PRKCB: variants seen among roughly 807,000 people sequenced by gnomAD.
PRKCB encodes the protein protein kinase C beta type.
PRKCB carries 13 observed loss-of-function variants against 81.5 expected under a neutral mutation model. The ratio of observed to expected loss-of-function variants is 0.16; its 90% confidence interval spans 0.10 to 0.25. The LOEUF is 0.25. Among genes scored for constraint, PRKCB ranks in the 10% least tolerant of loss-of-function variants. The pLI is 1.00. For missense variants in PRKCB, 509 were observed against 875.7 expected, an observed-to-expected ratio of 0.58 and a Z score of 5.29; for synonymous variants, 335 against 321.4, an observed-to-expected ratio of 1.04 and a Z score of -0.45.
chr16:24,169,048 C>G (rs979354986), intron 10 of PRKCB, among the ~76,000 whole-genome samples: 3 of 152,002 alleles, frequency 2.0e-5, no homozygotes, highest in Non-Finnish European at 4.4e-5. Context: ...ATTCCAGCCC[C>G]TCAGTCAGTC....
Position 23,892,844 on chromosome 16 carries a change from C to T in PRKCB, c.205+55438C>T, listed in dbSNP as rs531402059. ...AAAGTTAGCTTCAGAACTAGAATAT[C>T]TGCCTTCTGATCTCAGCCTATCACC... On this transcript the variant is annotated intron_variant, in intron 2 of 16. Transcript: ENST00000643927. The T allele has an allele frequency of 3.9e-5, 6 of 152,236 alleles. No individual in the cohort carries two copies. The South Asian group carries it at 1.2e-3, about 32-fold the overall frequency. 9.4% of individuals were successfully genotyped at this position (152,236 alleles called of 1,614,324 possible).
intron 2 of PRKCB, among the ~76,000 whole-genome samples, chr16:23,936,945 G>T (rs1964069251): frequency 6.6e-6 from 1 of 152,158 alleles, no homozygotes; most frequent in Non-Finnish European, 1.5e-5. Context: ...TTAGCGACGG[G>T]AAATTTCACG....
At chr16:23,883,520 A>T (rs1963154834) in intron 2 of PRKCB, among the ~76,000 whole-genome samples, 1 of 152,202 alleles carries the variant, frequency 6.6e-6, no homozygotes, top group Non-Finnish European at 1.5e-5. Flanking sequence ...GCAAAGGATC[A>T]GATTTGTATT....
chr16:23,998,365 AT>A (rs1249152697), intron 3 of PRKCB, among the ~76,000 whole-genome samples: 8 of 151,514 alleles, frequency 5.3e-5, no homozygotes, highest in Non-Finnish European at 8.8e-5. Context: ...CACGTTATTG[AT>A]TTTTTTTTGG....
chr16:24,094,362 G>A, intron 7 of PRKCB, 65 bp downstream of exon 7: 1 of 1,563,710 alleles, frequency 6.4e-7, no homozygotes, highest in South Asian at 1.2e-5. Flanking sequence ...GGTCAAGTAT[G>A]TTTTCCTTTT....
chr16:23,908,637 T>C (rs562224750), intron 2 of PRKCB, among the ~76,000 whole-genome samples: 14 of 152,196 alleles, frequency 9.2e-5, no homozygotes, highest in Non-Finnish European at 2.1e-4. Flanking sequence ...GTTCATGCCA[T>C]TCTCCAGCCT....
chr16:23,955,043 G>A (rs1177654184), intron 2 of PRKCB, among the ~76,000 whole-genome samples: 1 of 152,148 alleles, frequency 6.6e-6, no homozygotes, highest in African/African-American at 2.4e-5. Context: ...GGAGCTTAAT[G>A]TATTAAAAGG....
At chr16:23,971,997 T>G (rs1486540734) in intron 2 of PRKCB, among the ~76,000 whole-genome samples, 1 of 152,144 alleles carries the variant, frequency 6.6e-6, no homozygotes, top group Non-Finnish European at 1.5e-5. Flanking sequence ...CATAGCAGCT[T>G]TATTCATAAT....
chr16:23,840,169 G>A (rs1034025949), intron 2 of PRKCB, among the ~76,000 whole-genome samples: 1 of 152,204 alleles, frequency 6.6e-6, no homozygotes, highest in Non-Finnish European at 1.5e-5. Context: ...GAACCACTGA[G>A]GAGTTCCTTA....
intron 13 of PRKCB, among the ~76,000 whole-genome samples, chr16:24,181,789 A>AAAAAAAAG (rs1013403340): frequency 7.2e-6 from 1 of 138,712 alleles, no homozygotes; most frequent in Non-Finnish European, 1.6e-5. Flanking sequence ...AAAAAAAAAA[A>AAAAAAAAG]AAGAAGAAGA....
At chr16:24,110,116 AGGGAGAGG>A (rs1966654071) in intron 7 of PRKCB, among the ~76,000 whole-genome samples, 1 of 85,646 alleles carries the variant, frequency 1.2e-5, no homozygotes, top group African/African-American at 6.9e-5. Flanking sequence ...CCGTGGGGAG[AGGGAGAGG>A]GAGAGGGAGA....
At chr16:24,170,585 C>T (rs1437406664) in intron 10 of PRKCB, among the ~76,000 whole-genome samples, 1 of 152,082 alleles carries the variant, frequency 6.6e-6, no homozygotes, top group Admixed American at 6.6e-5. Flanking sequence ...TAGCAAACAC[C>T]CTCTGATGGA....
chr16:23,933,208 C>T (rs1489107408), intron 2 of PRKCB, among the ~76,000 whole-genome samples: 2 of 152,168 alleles, frequency 1.3e-5, no homozygotes. Context: ...TCTTTTCATC[C>T]TTTCTTCCTG....
intron 3 of PRKCB, among the ~76,000 whole-genome samples, chr16:24,007,356 T>C (rs1965139520): frequency 6.6e-6 from 1 of 152,262 alleles, no homozygotes; most frequent in South Asian, 2.1e-4. Flanking sequence ...CATGCATTTA[T>C]CTTGCTTTCT....
chr16:23,892,215 G>A (rs924060147), intron 2 of PRKCB, among the ~76,000 whole-genome samples: 3 of 101,488 alleles, frequency 3.0e-5, no homozygotes, highest in Non-Finnish European at 5.9e-5. Context: ...ATAGACAGAT[G>A]TGTTGAGAAA....
chr16:23,966,854 G>C (rs1376805492), intron 2 of PRKCB, among the ~76,000 whole-genome samples: 2 of 152,188 alleles, frequency 1.3e-5, no homozygotes, highest in Non-Finnish European at 2.9e-5. Context: ...CCCCCTTGGA[G>C]TTGATGTTGT....
chr16:24,089,835 T>C (rs1567370476), intron 5 of PRKCB, among the ~76,000 whole-genome samples: 1 of 152,128 alleles, frequency 6.6e-6, no homozygotes, highest in East Asian at 1.9e-4. Context: ...GGGCATTGCA[T>C]ATGAATAAGA....
chr16:24,034,240 C>G (rs1404467928), intron 4 of PRKCB, among the ~76,000 whole-genome samples: 1 of 152,198 alleles, frequency 6.6e-6, no homozygotes, highest in Non-Finnish European at 1.5e-5. Context: ...AGAGGGCTCT[C>G]CCTTCCCTCC....
chr16:24,164,267 C>T (rs1203180301), intron 10 of PRKCB, among the ~76,000 whole-genome samples: 1 of 152,126 alleles, frequency 6.6e-6, no homozygotes, highest in Non-Finnish European at 1.5e-5. Context: ...TCTGCACCTC[C>T]CACCTAGTCA....
Sources: gnomAD v4.1 joint callset for allele counts (sites outside exome capture counted in the v4.1 genomes callset) on GRCh38, gnomAD v4.1.1 for gene constraint, MANE v1.5 for transcripts, NCBI Gene and HGNC (gene_info 2026-07-23, HGNC 2026-07-21) for gene names.